NDUFA9: variants seen among roughly 807,000 people sequenced by gnomAD.
The protein encoded by NDUFA9 is NADH:ubiquinone oxidoreductase subunit A9, also known as NADH dehydrogenase [ubiquinone] 1 alpha subcomplex subunit 9, mitochondrial.
In NDUFA9, 23 loss-of-function variants were observed where a neutral mutation model predicts 45.9. The ratio of observed to expected loss-of-function variants is 0.50; its 90% confidence interval spans 0.36 to 0.71. NDUFA9 has a LOEUF of 0.71. NDUFA9 is among the 30% of genes least tolerant of loss of function. The pLI is 0.00. For synonymous variants in NDUFA9, 176 were observed against 170.5 expected (o/e 1.03, Z -0.25); for missense variants, 466 against 488.2 (o/e 0.95, Z 0.43).
chr12:4,668,796 C>G, intron 7 of NDUFA9: 1 of 401,186 alleles, frequency 2.5e-6, no homozygotes, highest in South Asian at 3.3e-5. Context: ...TAGATAGACA[C>G]AAATTGCTGT....
rs1012499154 is a variant in NDUFA9, at chr12:4,692,315, G to A, written c.*5207G>A. On this transcript the variant is annotated 3_prime_UTR_variant, in exon 11 of 11. Transcript: ENST00000266544. ...AAGATAGTGAGTTCTTACAAGATCT[G>A]GTCATTTAAAAGTGTGAGGCAACTC... is the stretch of plus-strand genomic sequence containing the variant. The A allele has an allele frequency of 3.3e-5, 5 of 152,044 alleles. No homozygotes were observed. Among genetic ancestry groups the A allele is most frequent in the African/African-American group, 1.2e-4 (5 of 41,396 alleles). The allele number at this position is 152,044 out of a possible 1,614,324, so 9.4% of individuals were successfully genotyped here. A position where few individuals can be genotyped will look rare whatever the true frequency, so the allele number is the denominator to read the frequency against.
intron 8 of NDUFA9, among the ~76,000 whole-genome samples, chr12:4,678,653 C>T (rs1945934913): frequency 6.6e-6 from 1 of 152,082 alleles, no homozygotes; most frequent in South Asian, 2.1e-4. Context: ...ATAGGCATAT[C>T]AGCCCAGCAG....
intron 3 of NDUFA9, chr12:4,657,488 C>A: frequency 2.8e-6 from 1 of 353,402 alleles, no homozygotes; most frequent in East Asian, 5.6e-5. Context: ...CATTAAAAAT[C>A]AATAGCCTCC....
chr12:4,655,509 TAAA>T (rs931611836), intron 3 of NDUFA9: 4 of 152,370 alleles, frequency 2.6e-5, no homozygotes, highest in African/African-American at 9.6e-5. Flanking sequence ...TGTTACATAT[TAAA>T]ATAATATTTT....
rs761451775 is a variant in NDUFA9, at chr12:4,657,867, T to C, written c.410+28T>C. The C allele has an allele frequency of 2.6e-6, 4 of 1,552,372 alleles. No individual in the cohort carries two copies. The South Asian group carries it at 4.5e-5, about 17-fold the overall frequency. On this transcript the variant is annotated intron_variant, in intron 4 of 10. Coordinates refer to ENST00000266544, the MANE Select transcript of NDUFA9 (RefSeq NM_005002.5). Reference sequence around the variant, plus strand: ...AAGTCTTTGACTCTTGTTTCTTCTTTGCTTAAGTCTTTCTTAGGGTTTAAT... The same window carrying C: ...AAGTCTTTGACTCTTGTTTCTTCTTCGCTTAAGTCTTTCTTAGGGTTTAAT...
At chr12:4,685,813 G>A (rs544168431) in intron 10 of NDUFA9, among the ~76,000 whole-genome samples, 1 of 152,204 alleles carries the variant, frequency 6.6e-6, no homozygotes, top group Non-Finnish European at 1.5e-5. Context: ...CACATCCAAT[G>A]GTCAGTTCTC....
chr12:4,684,676 C>T (rs975978273), intron 9 of NDUFA9, among the ~76,000 whole-genome samples: 34 of 152,140 alleles, frequency 2.2e-4, no homozygotes, highest in African/African-American at 7.2e-4. Flanking sequence ...TCAAGTGGCA[C>T]GTAAGGAGCC....
chr12:4,662,589 G>T lies in NDUFA9; in HGVS notation c.609G>T (p.Pro203=), dbSNP rs751916214. 2 of 1,613,828 alleles carry T rather than the reference G, an allele frequency of 1.2e-6. No homozygotes were observed. The highest frequency in any genetic ancestry group is 1.3e-5 in the African/African-American group (1 of 74,912). The change falls in exon 6 of 11, where the codon CCG becomes CCT. Residue 203 remains proline (P), a synonymous_variant. Coordinates refer to ENST00000266544, the MANE Select transcript of NDUFA9 (RefSeq NM_005002.5). The stretch of plus-strand genomic sequence containing the variant: ...TTCCGGAAGCCATTATCGTAAAGCC[G>T]TCGGACATCTTTGGAAGAGAGGATA... ...DAFPEAIIVK[P]SDIFGREDRF... is the part of the protein sequence containing the mutation.
chr12:4,675,473 G>A (rs1945914044), intron 8 of NDUFA9, among the ~76,000 whole-genome samples: 1 of 151,868 alleles, frequency 6.6e-6, no homozygotes, highest in African/African-American at 2.4e-5. Flanking sequence ...AATGATAAAG[G>A]GGATATCACC....
At chr12:4,682,425 C>CATT in intron 9 of NDUFA9, 125 bp downstream of exon 9, 1 of 520,950 alleles carries the variant, frequency 1.9e-6, no homozygotes, top group South Asian at 5.2e-5. Context: ...AGTGTTATGA[C>CATT]ATTAGCATAG....
At chr12:4,667,930 G>C (rs1400828385) in intron 6 of NDUFA9, among the ~76,000 whole-genome samples, 1 of 152,070 alleles carries the variant, frequency 6.6e-6, no homozygotes, top group East Asian at 1.9e-4. Flanking sequence ...TGAGAACTAA[G>C]ACATTATCTC....
At chr12:4,652,455 A>G (rs1271526202) in intron 1 of NDUFA9, among the ~76,000 whole-genome samples, 1 of 152,136 alleles carries the variant, frequency 6.6e-6, no homozygotes, top group African/African-American at 2.4e-5. Context: ...TCTGGCTTTC[A>G]GTCCCACTAA....
intron 8 of NDUFA9, among the ~76,000 whole-genome samples, chr12:4,670,952 T>A (rs181704669): frequency 6.6e-6 from 1 of 152,336 alleles, no homozygotes; most frequent in African/African-American, 2.4e-5. Context: ...TTTTTACCTT[T>A]GCCCAGCCAT....
chr12:4,694,176 T>G lies in NDUFA9; in HGVS notation c.*7068T>G, dbSNP rs1378733224. 6.6e-6 allele frequency: 1 copy of G among 152,262 alleles called. No individual in the cohort carries two copies. The highest frequency in any genetic ancestry group is 1.5e-5 in the Non-Finnish European group (1 of 68,052). 9.4% of individuals were successfully genotyped at this position (152,262 alleles called of 1,614,324 possible). On this transcript the variant is annotated 3_prime_UTR_variant, in exon 11 of 11. Coordinates refer to ENST00000266544, the MANE Select transcript of NDUFA9 (RefSeq NM_005002.5). ...TGTCTATAGACGTGTACATTGTGTC[T>G]TAGCGTAGATTCACCCGACCTCCTT... is the stretch of plus-strand genomic sequence containing the variant.
At position 4,690,790 on chromosome 12, in the gene NDUFA9, TAAAG is replaced by T. The variant is rs1254753691; in HGVS notation, c.*3687_*3690del. 5 of 152,224 alleles carry T rather than the reference TAAAG, an allele frequency of 3.3e-5. No individual in the cohort carries two copies. Among genetic ancestry groups the T allele is most frequent in the South Asian group, 2.1e-4 (1 of 4,828 alleles). 9.4% of individuals were successfully genotyped at this position (152,224 alleles called of 1,614,324 possible). On this transcript the variant is annotated 3_prime_UTR_variant, in exon 11 of 11. Transcript: ENST00000266544. Reference sequence around the variant, plus strand: ...ATATATGCAAAGATCTCTGAGAAGATAAAGAAAGGTCTCTGGAAGGATTAGCAAA... The same window carrying T: ...ATATATGCAAAGATCTCTGAGAAGATAAAGGTCTCTGGAAGGATTAGCAAA...
At chr12:4,668,577 T>C in intron 7 of NDUFA9, 53 bp downstream of exon 7, 1 of 1,472,560 alleles carries the variant, frequency 6.8e-7, no homozygotes, top group South Asian at 1.1e-5. Flanking sequence ...AATTCAGATT[T>C]GAGTGATCAA....
At position 4,693,148 on chromosome 12, in the gene NDUFA9, CT is replaced by C. The variant is rs1365626229; in HGVS notation, c.*6045del. 3 of 152,168 alleles carry C rather than the reference CT, an allele frequency of 2.0e-5. No homozygotes were observed. The highest frequency in any genetic ancestry group is 4.4e-5 in the Non-Finnish European group (3 of 68,042). The allele number at this position is 152,168 out of a possible 1,614,324, so 9.4% of individuals were successfully genotyped here. A position where few individuals can be genotyped will look rare whatever the true frequency, so the allele number is the denominator to read the frequency against. ...AAAAAATAAAGCACTTGAAGCAGAACTTTTTATCTGTCATAATCACTGCTAT... is the reference window on the plus strand; with the variant it reads ...AAAAAATAAAGCACTTGAAGCAGAACTTTTATCTGTCATAATCACTGCTAT... On this transcript the variant is annotated 3_prime_UTR_variant, in exon 11 of 11. Coordinates refer to ENST00000266544, the MANE Select transcript of NDUFA9 (RefSeq NM_005002.5).
rs1029767 is a variant in NDUFA9 at position 4,682,496 on chromosome 12, C to A, written c.896+196C>A. ...AAAATATATTGGAACATTAAATCTT[C>A]CCAATTCCCAAAAGTGAATCTTCCC... On this transcript the variant is annotated intron_variant, in intron 9 of 10. Coordinates refer to ENST00000266544, the MANE Select transcript of NDUFA9 (RefSeq NM_005002.5). Among the ~76,000 whole-genome samples, 29,787 of 152,200 alleles carry A rather than the reference C, an allele frequency of 0.2. 3,331 individuals carry two copies. The highest frequency in any genetic ancestry group is 0.45 in the East Asian group (2,336 of 5,182).
chr12:4,657,811 A>G lies in NDUFA9; in HGVS notation c.382A>G (p.Asn128Asp). ...AGTACAACACAGCAATGTGGTCATC[A>G]ATCTTATTGGACGAGACTGGGAAAC... ...RVVQHSNVVI[N>D]LIGRDWETKN... The change falls in exon 4 of 11, where the codon AAT (asparagine) becomes GAT (aspartate). Residue 128 changes from asparagine to aspartate, a missense_variant. By Grantham distance (23) the Asn-to-Asp change is conservative (BLOSUM62 1). Coordinates refer to ENST00000266544, the MANE Select transcript of NDUFA9 (RefSeq NM_005002.5). 2 of 1,613,666 alleles carry G rather than the reference A, an allele frequency of 1.2e-6. No homozygotes were observed. Among genetic ancestry groups the G allele is most frequent in the Non-Finnish European group, 1.7e-6 (2 of 1,179,614 alleles).
Sources: gnomAD v4.1 joint callset for allele counts (sites outside exome capture counted in the v4.1 genomes callset) on GRCh38, gnomAD v4.1.1 for gene constraint, MANE v1.5 for transcripts, NCBI Gene and HGNC (gene_info 2026-07-23, HGNC 2026-07-21) for gene names.